HOMER2: variants seen among roughly 807,000 people sequenced by gnomAD.
HOMER2 encodes the protein homer scaffold protein 2, also known as homer protein homolog 2.
Under a neutral mutation model 47.0 loss-of-function variants are expected in HOMER2, and 27 were observed. The observed-to-expected ratio is 0.57, with a 90% CI of 0.42 to 0.79. The LOEUF (loss-of-function observed/expected upper bound fraction) is 0.79. Among genes scored for constraint, HOMER2 ranks in the 30% least tolerant of loss-of-function variants. HOMER2 has a pLI of 0.00. For synonymous variants in HOMER2, 161 were observed against 163.8 expected, an observed-to-expected ratio of 0.98 and a Z score of 0.13; for missense variants, 443 against 435.0, an observed-to-expected ratio of 1.02 and a Z score of -0.16.
chr15:82,961,046 T>C (rs1339637017), intron 1 of HOMER2, among the ~76,000 whole-genome samples: 1 of 152,240 alleles, frequency 6.6e-6, no homozygotes, highest in Non-Finnish European at 1.5e-5. Context: ...ATGCCTTATC[T>C]GGCTGTTGGC....
intron 3 of HOMER2, among the ~76,000 whole-genome samples, chr15:82,867,322 GAC>G (rs1429904207): frequency 6.7e-6 from 1 of 148,576 alleles, no homozygotes; most frequent in Non-Finnish European, 1.5e-5. Context: ...CCACAAAAGT[GAC>G]AGACTTCACT....
intron 8 of HOMER2, 141 bp from the exon 9 acceptor site, chr15:82,850,044 C>T (rs1238237491): frequency 2.6e-6 from 2 of 764,588 alleles, no homozygotes; most frequent in Admixed American, 2.8e-5. Context: ...ACATGCTACC[C>T]CAGCACACAA....
intron 4 of HOMER2, among the ~76,000 whole-genome samples, chr15:82,860,738 AC>A (rs565495556): frequency 3.5e-3 from 540 of 152,146 alleles, no homozygotes; most frequent in Non-Finnish European, 5.5e-3. Context: ...AGAGTTCAAG[AC>A]CTGCCTGGCC....
chr15:82,850,993 G>A (rs894663486), intron 8 of HOMER2, among the ~76,000 whole-genome samples, 158 bp downstream of exon 8: 1 of 152,242 alleles, frequency 6.6e-6, no homozygotes, highest in Admixed American at 6.5e-5. Context: ...GGGTGGATGC[G>A]GTGCCATCTG....
intron 1 of HOMER2, among the ~76,000 whole-genome samples, chr15:82,933,279 T>G (rs1324697417): frequency 6.6e-6 from 1 of 152,040 alleles, no homozygotes; most frequent in Non-Finnish European, 1.5e-5. Flanking sequence ...CAGGATGGAG[T>G]GCAGTGGTGC....
chr15:82,905,976 T>C (rs2053272794), intron 1 of HOMER2, among the ~76,000 whole-genome samples: 3 of 152,198 alleles, frequency 2.0e-5, no homozygotes, highest in African/African-American at 7.2e-5. Context: ...TTCGAATATG[T>C]ATGTATATAT....
intron 1 of HOMER2, among the ~76,000 whole-genome samples, chr15:82,945,688 T>C (rs2054359812): frequency 6.6e-6 from 1 of 152,010 alleles, no homozygotes; most frequent in South Asian, 2.1e-4. Context: ...AAGTGGTAGA[T>C]GGCCGGGCGC....
At chr15:82,973,358 C>A (rs1048359206) in intron 1 of HOMER2, among the ~76,000 whole-genome samples, 12 of 152,152 alleles carry the variant, frequency 7.9e-5, no homozygotes, top group African/African-American at 2.9e-4. Flanking sequence ...GCTTGCTTAT[C>A]ATAACTGCCC....
intron 1 of HOMER2, among the ~76,000 whole-genome samples, chr15:82,963,159 A>C (rs931603634): frequency 1.3e-5 from 2 of 152,118 alleles, no homozygotes; most frequent in Non-Finnish European, 2.9e-5. Flanking sequence ...ATCATAGCTC[A>C]CTGCAGCCTT....
downstream of HOMER2, chr15:82,847,278 C>CT (rs1392440200): frequency 6.6e-6 from 1 of 152,264 alleles, no homozygotes; most frequent in Admixed American, 6.5e-5. Flanking sequence ...TGAAAAGACA[C>CT]TGAGATCTTC....
rs1294084562 is a variant in HOMER2 at position 82,892,778 on chromosome 15, GTTC to G, written c.66_68del (p.Lys22del). The G allele has an allele frequency of 5.0e-6, 8 of 1,607,214 alleles. No individual in the cohort carries two copies. Among genetic ancestry groups the G allele is most frequent in the African/African-American group, 1.3e-5 (1 of 74,860 alleles). The stretch of plus-strand genomic sequence containing the variant: ...CCGCCTGCTTGCTCGCAGGCATCCA[GTTC>G]TTCTTGGTGTTGGGGTCAATCTGGA... On this transcript the variant is annotated inframe_deletion, in exon 2 of 9. Transcript: ENST00000450735.
chr15:82,854,745 C>A lies in HOMER2; in HGVS notation c.550G>T (p.Ala184Ser). Residue 184 changes from alanine to serine, a missense_variant, in exon 6 of 9, where the codon GCA becomes TCA. Transcript: ENST00000450735. ...IELQTLRESNARLTTALQESA... is the reference protein window; with the variant it reads ...IELQTLRESNSRLTTALQESA... ...TCCTGCAGTGCTGTGGTCAGCCGTG[C>A]ATTGCTCTCCCGAAGGGTCTGCAGC... 1.2e-6 allele frequency: 2 copies of A among 1,612,274 alleles called. No homozygotes were observed. Among genetic ancestry groups the A allele is most frequent in the Non-Finnish European group, 1.7e-6 (2 of 1,179,836 alleles).
intron 1 of HOMER2, among the ~76,000 whole-genome samples, chr15:82,963,918 C>T (rs1043154760): frequency 2.6e-5 from 4 of 152,186 alleles, no homozygotes; most frequent in African/African-American, 9.7e-5. Flanking sequence ...CTTGGATGAT[C>T]CCAAGTTCTG....
intron 6 of HOMER2, among the ~76,000 whole-genome samples, chr15:82,853,117 G>A (rs1449744118): frequency 1.3e-5 from 2 of 152,174 alleles, no homozygotes; most frequent in Non-Finnish European, 2.9e-5. Flanking sequence ...CAAGCCTTGG[G>A]GTCTGAACTC....
At chr15:82,906,420 T>C (rs1037349187) in intron 1 of HOMER2, among the ~76,000 whole-genome samples, 1 of 151,330 alleles carries the variant, frequency 6.6e-6, no homozygotes, top group African/African-American at 2.4e-5. Context: ...AAGGCCTGAC[T>C]ACAAGAAATC....
chr15:82,952,589 G>T lies in HOMER2; in HGVS notation c.-54C>A, dbSNP rs1240946483. ...ACGGGGCCTCTCGCGCTCGCTCTCCGCCCGCTCGGCAGCCGCTCCCCGCGC... is the reference window on the plus strand; with the variant it reads ...ACGGGGCCTCTCGCGCTCGCTCTCCTCCCGCTCGGCAGCCGCTCCCCGCGC... On this transcript the variant is annotated 5_prime_UTR_variant, in exon 1 of 9. Transcript: ENST00000450735. 2.1e-4 allele frequency: 244 copies of T among 1,140,402 alleles called. 2 individuals carry two copies. The East Asian group carries it at 0.01, about 47-fold the overall frequency. The allele number at this position is 1,140,402 out of a possible 1,614,324, so 70.6% of individuals were successfully genotyped here.
chr15:82,985,981 G>C, upstream of HOMER2: 1 of 733,190 alleles, frequency 1.4e-6, no homozygotes, highest in Non-Finnish European at 1.7e-6. Flanking sequence ...CCAATCAAAG[G>C]AGCTTAATAG....
chr15:82,971,163 A>G (rs1017924412), intron 1 of HOMER2, among the ~76,000 whole-genome samples: 2 of 152,218 alleles, frequency 1.3e-5, no homozygotes, highest in African/African-American at 4.8e-5. Context: ...ATTCTTGATA[A>G]TGAGCAGCTC....
chr15:82,945,741 C>T (rs2054362228), intron 1 of HOMER2, among the ~76,000 whole-genome samples: 2 of 151,910 alleles, frequency 1.3e-5, no homozygotes, highest in African/African-American at 4.8e-5. Flanking sequence ...GAGGCCAAGG[C>T]GGGCAAATCA....
Sources: gnomAD v4.1 joint callset for allele counts (sites outside exome capture counted in the v4.1 genomes callset) on GRCh38, gnomAD v4.1.1 for gene constraint, MANE v1.5 for transcripts, NCBI Gene and HGNC (gene_info 2026-07-23, HGNC 2026-07-21) for gene names.